The following PPM1L variants were observed in gnomAD, a reference collection of about 807,000 sequenced individuals.
PPM1L encodes the protein protein phosphatase, Mg2+/Mn2+ dependent 1L.
A neutral mutation model predicts 31.4 loss-of-function variants in PPM1L; 13 were observed. The ratio of observed to expected loss-of-function variants is 0.41; its 90% CI spans 0.27 to 0.66. The LOEUF (loss-of-function observed/expected upper bound fraction) is 0.66, where lower values mean the gene tolerates loss of function less well. Ranked by LOEUF, PPM1L falls within the 30% of genes least tolerant of loss-of-function variation. The probability of loss-of-function intolerance (pLI) is 0.29; values close to 1 mark genes in which losing one functional copy is unlikely to be tolerated. For synonymous variants in PPM1L, 184 were observed against 175.4 expected (o/e 1.05, Z -0.39); for missense variants, 326 against 453.7 (o/e 0.72, Z 2.56).
intron 2 of PPM1L, chr3:161,022,146 T>C: frequency 1.5e-6 from 1 of 679,450 alleles, no homozygotes. Flanking sequence ...TTTTTTTTTT[T>C]ACCCTTAGTT....
chr3:160,768,649 G>T (rs987828122), intron 1 of PPM1L, among the ~76,000 whole-genome samples: 1 of 152,008 alleles, frequency 6.6e-6, no homozygotes, highest in African/African-American at 2.4e-5. Context: ...CTTACAGATC[G>T]GTTGGTTTTG....
At chr3:160,971,405 C>G (rs192374344) in intron 2 of PPM1L, among the ~76,000 whole-genome samples, 3 of 152,180 alleles carry the variant, frequency 2.0e-5, no homozygotes, top group African/African-American at 7.2e-5. Context: ...CAGATGACCA[C>G]GTGGCCCTTA....
chr3:160,998,991 A>G (rs1313235068), intron 2 of PPM1L, among the ~76,000 whole-genome samples: 2 of 152,164 alleles, frequency 1.3e-5, no homozygotes, highest in Non-Finnish European at 2.9e-5. Context: ...GGTGAAAAGA[A>G]CCATGTTTTC....
chr3:160,834,653 A>G (rs1365315673), intron 1 of PPM1L, among the ~76,000 whole-genome samples: 1 of 152,120 alleles, frequency 6.6e-6, no homozygotes, highest in African/African-American at 2.4e-5. Context: ...AAGTGCAATC[A>G]TATAGTATGC....
intron 2 of PPM1L, among the ~76,000 whole-genome samples, chr3:161,039,111 A>C (rs568578390): frequency 1.1e-3 from 170 of 152,304 alleles, no homozygotes; most frequent in African/African-American, 3.9e-3. Context: ...ACATCAACAA[A>C]TAACCATAAA....
intron 1 of PPM1L, among the ~76,000 whole-genome samples, chr3:160,899,163 C>T (rs1463614029): frequency 4.6e-5 from 7 of 152,168 alleles, no homozygotes; most frequent in Admixed American, 4.6e-4. Context: ...TGCCCCAGAT[C>T]ACACAGGTAG....
At chr3:160,804,999 G>C (rs1365383652) in intron 1 of PPM1L, among the ~76,000 whole-genome samples, 1 of 152,208 alleles carries the variant, frequency 6.6e-6, no homozygotes, top group Non-Finnish European at 1.5e-5. Context: ...GAGACAGTGT[G>C]ACCTTCTCCT....
intron 2 of PPM1L, among the ~76,000 whole-genome samples, chr3:160,991,922 GA>G (rs1717148345): frequency 1.3e-5 from 2 of 152,214 alleles, no homozygotes; most frequent in South Asian, 4.2e-4. Flanking sequence ...AATAATTATT[GA>G]GCACTTCTAT....
At chr3:161,020,760 CT>C (rs1718216755) in intron 2 of PPM1L, among the ~76,000 whole-genome samples, 1 of 152,154 alleles carries the variant, frequency 6.6e-6, no homozygotes, top group South Asian at 2.1e-4. Context: ...TCTGTTTCTT[CT>C]TGAGTCAATT....
At chr3:160,970,858 C>T (rs1378040621) in intron 2 of PPM1L, among the ~76,000 whole-genome samples, 2 of 140,814 alleles carry the variant, frequency 1.4e-5, no homozygotes, top group South Asian at 2.2e-4. Flanking sequence ...GGCGCAATCT[C>T]GGCTCACTGC....
chr3:160,923,541 G>A (rs978655873), intron 1 of PPM1L, among the ~76,000 whole-genome samples: 1 of 151,472 alleles, frequency 6.6e-6, no homozygotes, highest in African/African-American at 2.5e-5. Context: ...TCAACCCATG[G>A]CAACACTTGG....
At chr3:160,928,467 A>G (rs1005221430) in intron 1 of PPM1L, among the ~76,000 whole-genome samples, 8 of 152,196 alleles carry the variant, frequency 5.3e-5, no homozygotes, top group African/African-American at 1.9e-4. Context: ...TTTCTCTAGT[A>G]TGGTATTGCT....
intron 2 of PPM1L, among the ~76,000 whole-genome samples, chr3:160,978,172 G>A (rs1716665988): frequency 1.3e-5 from 2 of 152,194 alleles, no homozygotes; most frequent in South Asian, 4.1e-4. Context: ...CTTGTGAATA[G>A]CATCCCAGAC....
At chr3:160,770,933 G>A (rs1715237818) in intron 1 of PPM1L, among the ~76,000 whole-genome samples, 1 of 152,124 alleles carries the variant, frequency 6.6e-6, no homozygotes, top group Admixed American at 6.5e-5. Context: ...TCCTGAGTTG[G>A]TATAAGAGAC....
intron 1 of PPM1L, among the ~76,000 whole-genome samples, chr3:160,902,535 T>C (rs1457440099): frequency 1.3e-5 from 2 of 152,080 alleles, no homozygotes; most frequent in African/African-American, 2.4e-5. Context: ...AGAGAAATGG[T>C]TTACAAGAGA....
intron 1 of PPM1L, among the ~76,000 whole-genome samples, chr3:160,808,289 C>CTGTGTGTGTGTGTG (rs10545216): frequency 7.3e-5 from 10 of 136,216 alleles, no homozygotes; most frequent in African/African-American, 2.9e-4. Flanking sequence ...GGATTTTCCT[C>CTGTGTGTGTGTGTG]TGTGTGTGTG....
intron 1 of PPM1L, among the ~76,000 whole-genome samples, chr3:160,945,312 C>A (rs1163549699): frequency 6.6e-6 from 1 of 151,724 alleles, no homozygotes; most frequent in East Asian, 1.9e-4. Context: ...CAGCCATAGG[C>A]AATATATAAA....
At chr3:160,813,542 T>C (rs1241193837) in intron 1 of PPM1L, among the ~76,000 whole-genome samples, 1 of 151,946 alleles carries the variant, frequency 6.6e-6, no homozygotes, top group African/African-American at 2.4e-5. Flanking sequence ...GTTTCACCAT[T>C]TTGGCCAGGT....
intron 2 of PPM1L, among the ~76,000 whole-genome samples, chr3:161,018,117 T>C (rs1718135994): frequency 6.6e-6 from 1 of 152,214 alleles, no homozygotes; most frequent in Non-Finnish European, 1.5e-5. Context: ...TAAATTTGCA[T>C]TCAGACTGTG....
Sources: gnomAD v4.1 joint callset for allele counts (sites outside exome capture counted in the v4.1 genomes callset) on GRCh38, gnomAD v4.1.1 for gene constraint, MANE v1.5 for transcripts, NCBI Gene and HGNC (gene_info 2026-07-23, HGNC 2026-07-21) for gene names.